Variants in OPN3 observed in about 807,000 individuals in gnomAD.
OPN3 encodes the protein opsin-3.
A neutral mutation model predicts 33.8 loss-of-function variants in OPN3; 29 were observed. The observed-to-expected ratio is 0.86, with a 90% CI of 0.64 to 1.17. The LOEUF (loss-of-function observed/expected upper bound fraction) is 1.17, where lower values mean the gene tolerates loss of function less well. Ranked by LOEUF, OPN3 falls within the 50% of genes most tolerant of loss-of-function variation. The probability of loss-of-function intolerance (pLI) is 0.00; values close to 1 mark genes in which losing one functional copy is unlikely to be tolerated. For missense variants in OPN3, 437 were observed against 514.1 expected, an observed-to-expected ratio of 0.85 and a Z score of 1.45; for synonymous variants, 216 against 216.1, an observed-to-expected ratio of 1.00 and a Z score of 0.00.
intron 1 of OPN3, among the ~76,000 whole-genome samples, chr1:241,619,545 C>T (rs905050549): frequency 3.9e-5 from 6 of 152,218 alleles, no homozygotes; most frequent in African/African-American, 1.4e-4. Context: ...GAACCTGACA[C>T]AGCATATCAT....
chr1:241,640,134 A>T lies in OPN3; in HGVS notation c.121T>A (p.Tyr41Asn), dbSNP rs1396829751. 5.7e-6 allele frequency: 9 copies of T among 1,591,544 alleles called. No individual in the cohort carries two copies. The highest frequency in any genetic ancestry group is 7.7e-6 in the Non-Finnish European group (9 of 1,170,740). Residue 41 changes from tyrosine (Y) to asparagine (N), a missense_variant, in exon 1 of 4, where the codon TAC becomes AAC. Physicochemically the swap from Tyr to Asn is moderately radical, Grantham distance 143 (BLOSUM62 -2). Coordinates refer to ENST00000366554, the MANE Select transcript of OPN3 (RefSeq NM_014322.3). ...CCCAGCAGCAGCGCCAGGCGCTCGTAGGTGCCGGGGCTGAAGAGGGGCGCG... is the reference window on the plus strand; with the variant it reads ...CCCAGCAGCAGCGCCAGGCGCTCGTTGGTGCCGGGGCTGAAGAGGGGCGCG... ...SPAPLFSPGT[Y>N]ERLALLLGSI... is the part of the protein sequence containing the mutation.
intron 1 of OPN3, among the ~76,000 whole-genome samples, chr1:241,620,756 C>T (rs1308319525): frequency 6.6e-6 from 1 of 152,000 alleles, no homozygotes; most frequent in Non-Finnish European, 1.5e-5. Context: ...CATACGAAGT[C>T]TTGGAAATAT....
chr1:241,604,191 T>G, intron 2 of OPN3, 69 bp downstream of exon 2: 1 of 1,430,154 alleles, frequency 7.0e-7, no homozygotes, highest in Admixed American at 1.8e-5. Flanking sequence ...AGACTTTCAT[T>G]ATTTTCCAGA....
intron 1 of OPN3, among the ~76,000 whole-genome samples, chr1:241,626,935 GAATTAT>G (rs770576857): frequency 3.7e-4 from 57 of 152,302 alleles, no homozygotes; most frequent in Admixed American, 7.8e-4. Flanking sequence ...CATTCTGACT[GAATTAT>G]AATCAGGTAT....
intron 3 of OPN3, 90 bp downstream of exon 3, chr1:241,597,656 G>T: frequency 2.5e-6 from 3 of 1,208,564 alleles, no homozygotes; most frequent in East Asian, 2.6e-5. Context: ...TTTAATTGAA[G>T]CGACTCTGAA....
chr1:241,630,028 T>C (rs1213437826), intron 1 of OPN3: 1 of 152,240 alleles, frequency 6.6e-6, no homozygotes, highest in African/African-American at 2.4e-5. Flanking sequence ...AATGGAACTG[T>C]AGTAAATTTC....
chr1:241,640,317 C>G lies in OPN3; in HGVS notation c.-63G>C, dbSNP rs1665078539. 9.1e-7 allele frequency: 1 copy of G among 1,096,712 alleles called. No individual in the cohort carries two copies. The highest frequency in any genetic ancestry group is 5.1e-5 in the Admixed American group (1 of 19,456). 67.9% of individuals were successfully genotyped at this position (1,096,712 alleles called of 1,614,324 possible). A position where few individuals can be genotyped will look rare whatever the true frequency, so the allele number is the denominator to read the frequency against. On this transcript the variant is annotated 5_prime_UTR_variant, in exon 1 of 4. Transcript: ENST00000366554. ...AGCTTGCGGCGGGGCTCGCGGCGCGCTCCGCACTGGGTGGGGTTGGGGCTC... is the reference window on the plus strand; with the variant it reads ...AGCTTGCGGCGGGGCTCGCGGCGCGGTCCGCACTGGGTGGGGTTGGGGCTC...
intron 1 of OPN3, among the ~76,000 whole-genome samples, chr1:241,627,203 C>A (rs1664444623): frequency 6.6e-6 from 1 of 152,142 alleles, no homozygotes; most frequent in South Asian, 2.1e-4. Context: ...ACTCCCTTCT[C>A]TTTCAATCGG....
chr1:241,623,388 A>G (rs117921828), intron 1 of OPN3, among the ~76,000 whole-genome samples: 3,870 of 152,190 alleles, frequency 0.025, 380 homozygotes, highest in Admixed American at 0.18. Flanking sequence ...CTGTCTGATC[A>G]CCCTTCTCCA....
At chr1:241,594,766 A>C in intron 3 of OPN3, 75 bp from the exon 4 acceptor site, 4 of 1,524,868 alleles carry the variant, frequency 2.6e-6, no homozygotes, top group Non-Finnish European at 3.5e-6. Flanking sequence ...CGAGGAAATC[A>C]GTTGAGCTGA....
At chr1:241,639,784 G>T in intron 1 of OPN3, 98 bp downstream of exon 1, 1 of 1,191,508 alleles carries the variant, frequency 8.4e-7, no homozygotes, top group South Asian at 1.8e-5. Context: ...AGCGGGAAGC[G>T]GTGCGGGGCG....
chr1:241,594,633 G>A lies in OPN3; in HGVS notation c.1004C>T (p.Ala335Val). The change falls in exon 4 of 4, where the codon GCT becomes GTT. Residue 335 changes from alanine to valine, a missense_variant. Physicochemically the swap from Ala to Val is moderately conservative, Grantham distance 64 (BLOSUM62 0). Transcript: ENST00000366554. ...CLRLLRCQRP[A>V]KDLPAAGSEM... ...ACTTCCAGCTGCTGGTAGGTCTTTA[G>A]CAGGCCTCTGGCACCTCAGCAGTCG... 3.7e-6 allele frequency: 6 copies of A among 1,614,078 alleles called. No homozygotes were observed. The highest frequency in any genetic ancestry group is 5.1e-6 in the Non-Finnish European group (6 of 1,179,974).
In OPN3 at chr1:241,634,147, C is replaced by T. The variant is rs556621444; in HGVS notation, c.373+5735G>A. The T allele has an allele frequency of 5.0e-5, 81 of 1,613,258 alleles. 2 individuals are homozygous for T. In the South Asian group the frequency reaches 8.5e-4, roughly 17 times the overall value. On this transcript the variant is annotated intron_variant, in intron 1 of 3. Coordinates refer to ENST00000366554, the MANE Select transcript of OPN3 (RefSeq NM_014322.3). The stretch of plus-strand genomic sequence containing the variant: ...AGAGTCTTGGCTTTGTAAGTTCTTC[C>T]TCGTTTATTTCTGTTTCAGTATACG...
intron 1 of OPN3, among the ~76,000 whole-genome samples, chr1:241,607,403 T>C (rs1663860815): frequency 6.6e-6 from 1 of 151,990 alleles, no homozygotes; most frequent in South Asian, 2.1e-4. Flanking sequence ...TAATCCCAGC[T>C]ACTCGGAGGC....
At chr1:241,605,415 T>C (rs879328511) in intron 1 of OPN3, among the ~76,000 whole-genome samples, 2 of 152,088 alleles carry the variant, frequency 1.3e-5, no homozygotes, top group Non-Finnish European at 2.9e-5. Flanking sequence ...CTGACAGGGG[T>C]CAGGGGGTCT....
intron 1 of OPN3, chr1:241,630,464 A>T (rs1373306114): frequency 6.6e-6 from 1 of 152,102 alleles, no homozygotes; most frequent in Non-Finnish European, 1.5e-5. Flanking sequence ...TGAGATTTTT[A>T]AAAATTGTGT....
At position 241,633,789 on chromosome 1, in the gene OPN3, C is replaced by T. The variant is rs201439073; in HGVS notation, c.373+6093G>A. 3.0e-5 allele frequency: 49 copies of T among 1,612,736 alleles called. No individual in the cohort carries two copies. In the African/African-American group the frequency reaches 6.0e-4, roughly 20 times the overall value. On this transcript the variant is annotated intron_variant, in intron 1 of 3. Coordinates refer to ENST00000366554, the MANE Select transcript of OPN3 (RefSeq NM_014322.3). ...GGTCCAAAACAGCATTTCGAGATTG[C>T]TCTTTTCTAATTTTGAAGGTGCTTC...
chr1:241,623,621 T>C (rs1664327478), intron 1 of OPN3, among the ~76,000 whole-genome samples: 1 of 152,242 alleles, frequency 6.6e-6, no homozygotes, highest in Admixed American at 6.5e-5. Flanking sequence ...TGTTTCCAGT[T>C]AAATGAATTA....
In OPN3 at chr1:241,604,550, G is replaced by T. The variant is rs1284136127; in HGVS notation, c.403C>A (p.Leu135Met). 1 of 1,613,024 alleles carries T rather than the reference G, an allele frequency of 6.2e-7. No homozygotes were observed. Among genetic ancestry groups the T allele is most frequent in the African/African-American group, 1.3e-5 (1 of 74,888 alleles). ...ACGCGAATGTAACGTTCATAGGCCA[G>T]CACGGTTAGGGTGGCAATGGAAACA... ...GIVSIATLTVLAYERYIRVVH... is the reference protein window; with the variant it reads ...GIVSIATLTVMAYERYIRVVH... The change falls in exon 2 of 4, where the codon CTG (leucine) becomes ATG (methionine). Residue 135 changes from leucine (L) to methionine (M), a missense_variant. Leu to Met is a conservative substitution (Grantham distance 15). Transcript: ENST00000366554.
Sources: gnomAD v4.1 joint callset for allele counts (sites outside exome capture counted in the v4.1 genomes callset) on GRCh38, gnomAD v4.1.1 for gene constraint, MANE v1.5 for transcripts, NCBI Gene and HGNC (gene_info 2026-07-23, HGNC 2026-07-21) for gene names.